PRSS55: variants seen among roughly 807,000 people sequenced by gnomAD.
The protein encoded by PRSS55 is serine protease 55, also known as probable serine protease UNQ9391/PRO34284.
A neutral mutation model predicts 23.6 loss-of-function variants in PRSS55; 41 were observed. The observed-to-expected ratio is 1.74, with a 90% CI of 1.35 to 2.26. PRSS55 has a LOEUF of 2.26. PRSS55 is among the 30% of genes most tolerant of loss of function. The pLI is 0.00. For synonymous variants in PRSS55, 262 were observed against 175.5 expected (o/e 1.49, Z -3.90); for missense variants, 669 against 439.1 (o/e 1.52, Z -4.68).
At chr8:10,541,282 T>C (rs1812648729), downstream of PRSS55, 1 of 152,396 alleles carries the variant, frequency 6.6e-6, no homozygotes, top group African/African-American at 2.4e-5. Context: ...ATGAGATTGA[T>C]GTTTAAATTG....
chr8:10,542,712 A>AT (rs1358849649), downstream of PRSS55, among the ~76,000 whole-genome samples: 1 of 142,698 alleles, frequency 7.0e-6, no homozygotes, highest in South Asian at 2.2e-4. Flanking sequence ...AACTAAAAAT[A>AT]CAAAAAAAAA....
downstream of PRSS55, among the ~76,000 whole-genome samples, chr8:10,540,040 G>A (rs184062576): frequency 1.6e-4 from 25 of 152,232 alleles, no homozygotes; most frequent in East Asian, 4.5e-3. Context: ...TCTCCTTCAT[G>A]TTCAGAGGCT....
At chr8:10,543,413 C>T (rs55820631), downstream of PRSS55, among the ~76,000 whole-genome samples, 3 of 76,482 alleles carry the variant, frequency 3.9e-5, no homozygotes, top group Non-Finnish European at 5.5e-5. Context: ...TTCTTTCTTT[C>T]TTCTTTCTTT....
intron 3 of PRSS55, among the ~76,000 whole-genome samples, chr8:10,532,203 C>T (rs1298135402): frequency 3.9e-5 from 6 of 152,124 alleles, no homozygotes; most frequent in Admixed American, 3.9e-4. Flanking sequence ...GTGGGTGTTT[C>T]AGGAGTTTAG....
rs200901473 is a variant in PRSS55, at chr8:10,531,358, G to A, written c.411G>A (p.Lys137=). ...NDLTSPSMEI[K]EVASIILHKD... ...TAACTAGCCCATCCATGGAAATAAA[G>A]GAGGTCGCCAGCATCATTCTTCACA... The change falls in exon 3 of 5, where the codon AAG becomes AAA. Residue 137 remains lysine (K), a synonymous_variant. Transcript: ENST00000328655. The A allele has an allele frequency of 1.5e-5, 25 of 1,614,172 alleles. No individual in the cohort carries two copies. The highest frequency in any genetic ancestry group is 5.1e-6 in the Non-Finnish European group (6 of 1,180,034).
chr8:10,546,433 C>T (rs1004224705), intron 4 of PRSS55, among the ~76,000 whole-genome samples: 1 of 152,192 alleles, frequency 6.6e-6, no homozygotes, highest in Non-Finnish European at 1.5e-5. Context: ...ATCAAGTCCC[C>T]TTGATGCTCT....
intron 4 of PRSS55, among the ~76,000 whole-genome samples, chr8:10,545,496 G>C (rs905601313): frequency 6.6e-6 from 1 of 152,100 alleles, no homozygotes; most frequent in Non-Finnish European, 1.5e-5. Context: ...CCATTTCTAT[G>C]CTTATCTCTT....
intron 2 of PRSS55, among the ~76,000 whole-genome samples, chr8:10,530,189 G>A (rs1585868690): frequency 6.6e-6 from 1 of 152,358 alleles, no homozygotes; most frequent in Non-Finnish European, 1.5e-5. Flanking sequence ...TCCCCTATTG[G>A]CCGGGTGCGG....
intron 4 of PRSS55, among the ~76,000 whole-genome samples, chr8:10,537,019 A>T (rs975491817): frequency 6.6e-6 from 1 of 152,242 alleles, no homozygotes; most frequent in Non-Finnish European, 1.5e-5. Context: ...CTATGAACGT[A>T]AAATAAAAGT....
chr8:10,527,446 G>A (rs1280397698), intron 1 of PRSS55, among the ~76,000 whole-genome samples: 3 of 152,232 alleles, frequency 2.0e-5, no homozygotes, highest in Non-Finnish European at 2.9e-5. Context: ...AAAAGGGACT[G>A]ATAATGTAGG....
At chr8:10,543,463 C>T (rs56823852), downstream of PRSS55, among the ~76,000 whole-genome samples, 1,655 of 48,810 alleles carry the variant, frequency 0.034, 35 homozygotes, top group Middle Eastern at 0.091. Context: ...TTCCTTCCTT[C>T]CTTTCTTTCT....
At chr8:10,538,978 T>C (rs1257076877), downstream of PRSS55, among the ~76,000 whole-genome samples, 2 of 152,038 alleles carry the variant, frequency 1.3e-5, no homozygotes, top group East Asian at 3.9e-4. Context: ...GTCAGGACTT[T>C]TTCCATTCTA....
downstream of PRSS55, chr8:10,541,534 G>C (rs1812656670): frequency 6.6e-6 from 1 of 152,196 alleles, no homozygotes; most frequent in Non-Finnish European, 1.5e-5. Context: ...CCAGGTTTGA[G>C]CTTGCCAGTC....
intron 2 of PRSS55, 68 bp downstream of exon 2, chr8:10,529,767 C>A: frequency 6.7e-7 from 1 of 1,490,702 alleles, no homozygotes; most frequent in Non-Finnish European, 9.2e-7. Context: ...TCCCCCTCAC[C>A]CACACCTGGT....
intron 4 of PRSS55, among the ~76,000 whole-genome samples, chr8:10,551,714 T>G (rs1364361141): frequency 6.6e-6 from 1 of 152,230 alleles, no homozygotes; most frequent in East Asian, 1.9e-4. Context: ...GCACGGGCTC[T>G]GAGAGCACTT....
chr8:10,525,777 A>C, intron 1 of PRSS55, 38 bp downstream of exon 1: 1 of 1,548,342 alleles, frequency 6.5e-7, no homozygotes, highest in Non-Finnish European at 8.8e-7. Context: ...ATGGGGGCTC[A>C]TGGTCCAGCT....
At chr8:10,525,887 C>G (rs1812004610) in intron 1 of PRSS55, 148 bp downstream of exon 1, 7 of 890,700 alleles carry the variant, frequency 7.9e-6, no homozygotes, top group African/African-American at 1.7e-5. Flanking sequence ...TCTCCTCTCT[C>G]CCCTGGCCCA....
At chr8:10,525,838 G>T in intron 1 of PRSS55, 99 bp downstream of exon 1, 3 of 1,286,936 alleles carry the variant, frequency 2.3e-6, no homozygotes, top group East Asian at 2.6e-5. Context: ...GAGCTCCAGG[G>T]CTCCCCACAT....
chr8:10,547,937 T>C (rs1007164763), intron 4 of PRSS55, among the ~76,000 whole-genome samples: 8 of 150,828 alleles, frequency 5.3e-5, no homozygotes, highest in African/African-American at 1.9e-4. Context: ...ACATGACTGG[T>C]GGAGAGGCAC....
Sources: gnomAD v4.1 joint callset for allele counts (sites outside exome capture counted in the v4.1 genomes callset) on GRCh38, gnomAD v4.1.1 for gene constraint, MANE v1.5 for transcripts, NCBI Gene and HGNC (gene_info 2026-07-23, HGNC 2026-07-21) for gene names.